Variants in LRP1B observed in about 807,000 individuals in gnomAD.
The protein encoded by LRP1B is low-density lipoprotein receptor-related protein 1B.
Under a neutral mutation model 556.6 loss-of-function variants are expected in LRP1B, and 217 were observed. The observed-to-expected ratio is 0.39, with a 90% CI of 0.35 to 0.44. The LOEUF (loss-of-function observed/expected upper bound fraction) is 0.44. LRP1B is among the 20% of genes least tolerant of loss of function. LRP1B has a pLI of 1.00. For missense variants in LRP1B, 5,053 were observed against 5,620.8 expected (o/e 0.90, Z 3.23); for synonymous variants, 2,047 against 1,865.8 (o/e 1.10, Z -2.50).
intron 41 of LRP1B, among the ~76,000 whole-genome samples, chr2:140,641,295 A>G (rs1017093424): frequency 1.1e-4 from 17 of 152,238 alleles, no homozygotes; most frequent in African/African-American, 4.1e-4. Context: ...TTTAATAATC[A>G]ATAGCAATGA....
chr2:140,586,026 A>T (rs563232316), intron 43 of LRP1B, among the ~76,000 whole-genome samples: 1 of 152,196 alleles, frequency 6.6e-6, no homozygotes, highest in Non-Finnish European at 1.5e-5. Context: ...CTTTAAAAAA[A>T]CTCAAATAGA....
chr2:140,381,335 A>G (rs376540655), intron 67 of LRP1B, among the ~76,000 whole-genome samples: 3 of 152,164 alleles, frequency 2.0e-5, no homozygotes, highest in African/African-American at 7.2e-5. Flanking sequence ...ACCCATCTGA[A>G]AAAAAAGTTG....
chr2:141,456,377 C>G (rs1320363150), intron 3 of LRP1B, among the ~76,000 whole-genome samples: 13 of 152,168 alleles, frequency 8.5e-5, no homozygotes, highest in Non-Finnish European at 1.9e-4. Flanking sequence ...TGAATCCTGA[C>G]TAAAACACCT....
At position 141,822,092 on chromosome 2, in the gene LRP1B, T is replaced by TACACACAC. The variant is rs149899299; in HGVS notation, c.83-11699_83-11692dup. On this transcript the variant is annotated intron_variant, in intron 1 of 90. Coordinates refer to ENST00000389484, the MANE Select transcript of LRP1B (RefSeq NM_018557.3). ...AACTGCTTCTTCACCAAAAAATACATACACACACACACACACACACACACA... is the reference window on the plus strand; with the variant it reads ...AACTGCTTCTTCACCAAAAAATACATACACACACACACACACACACACACACACACACA... Among the ~76,000 whole-genome samples the TACACACAC allele has an allele frequency of 1.1e-3, 119 of 112,428 alleles. 1 individual carries two copies. The highest frequency in any genetic ancestry group is 1.2e-3 in the Non-Finnish European group (71 of 57,870). The allele number at this position is 112,428 out of a possible 152,430, so 73.8% of individuals were successfully genotyped here. A position where few individuals can be genotyped will look rare whatever the true frequency, so the allele number is the denominator to read the frequency against.
intron 3 of LRP1B, among the ~76,000 whole-genome samples, chr2:141,262,747 C>T (rs1177354705): frequency 6.6e-6 from 1 of 151,802 alleles, no homozygotes; most frequent in Admixed American, 6.6e-5. Context: ...ATTTTTGTAC[C>T]CTTATGTTTC....
intron 18 of LRP1B, among the ~76,000 whole-genome samples, chr2:140,965,104 C>A (rs1010889706): frequency 6.6e-6 from 1 of 152,138 alleles, no homozygotes; most frequent in Non-Finnish European, 1.5e-5. Context: ...ATTACCCATG[C>A]CTGAGCCTCC....
At chr2:140,624,868 G>T (rs543900912) in intron 41 of LRP1B, among the ~76,000 whole-genome samples, 106 of 152,288 alleles carry the variant, frequency 7.0e-4, no homozygotes, top group African/African-American at 2.4e-3. Context: ...CTTAGGAGGT[G>T]ATCTGAAAGA....
intron 2 of LRP1B, among the ~76,000 whole-genome samples, chr2:141,542,592 A>C (rs190946177): frequency 9.5e-4 from 145 of 152,190 alleles, no homozygotes; most frequent in Non-Finnish European, 9.7e-4. Context: ...ACTTTTTCCT[A>C]AATAAAAAGA....
intron 1 of LRP1B, among the ~76,000 whole-genome samples, chr2:141,937,991 A>C (rs1033811172): frequency 2.0e-5 from 3 of 152,086 alleles, no homozygotes; most frequent in Non-Finnish European, 4.4e-5. Flanking sequence ...CTCAAAGTTT[A>C]GTAGATGGTG....
chr2:140,748,436 TA>T (rs1573660018), intron 35 of LRP1B, among the ~76,000 whole-genome samples: 1 of 94,772 alleles, frequency 1.1e-5, no homozygotes, highest in Non-Finnish European at 2.1e-5. Context: ...TATATTTATA[TA>T]TATATTATAT....
At chr2:141,183,000 G>T (rs557054878) in intron 7 of LRP1B, among the ~76,000 whole-genome samples, 3 of 151,864 alleles carry the variant, frequency 2.0e-5, no homozygotes, top group Non-Finnish European at 2.9e-5. Flanking sequence ...AGTACAAAGG[G>T]TCGTATGTTT....
At chr2:140,358,256 T>A in intron 73 of LRP1B, 140 bp from the exon 74 acceptor site, 1 of 687,846 alleles carries the variant, frequency 1.5e-6, no homozygotes, top group Non-Finnish European at 2.3e-6. Flanking sequence ...CAAGGCCAAA[T>A]TTTTAAACAT....
At chr2:140,571,123 T>C (rs1681306578) in intron 43 of LRP1B, among the ~76,000 whole-genome samples, 1 of 151,814 alleles carries the variant, frequency 6.6e-6, no homozygotes, top group Admixed American at 6.6e-5. Flanking sequence ...CCCACTCTCA[T>C]CACTATCACT....
rs147416231 is a variant in LRP1B, at chr2:141,961,924, C to T, written c.83-151523G>A. 5.9e-3 allele frequency among the ~76,000 whole-genome samples: 890 copies of T among 151,548 alleles called. 10 individuals carry two copies. Among genetic ancestry groups the T allele is most frequent in the African/African-American group, 0.021 (849 of 41,398 alleles). On this transcript the variant is annotated intron_variant, in intron 1 of 90. Coordinates refer to ENST00000389484, the MANE Select transcript of LRP1B (RefSeq NM_018557.3). Reference sequence around the variant, plus strand: ...AGACTGAGCTTTACTATTGTGTTTACGAATGGAAAAAGTGTTTTTAATATG... The same window carrying T: ...AGACTGAGCTTTACTATTGTGTTTATGAATGGAAAAAGTGTTTTTAATATG...
At chr2:140,975,684 T>A (rs909089969) in intron 18 of LRP1B, among the ~76,000 whole-genome samples, 7 of 152,190 alleles carry the variant, frequency 4.6e-5, no homozygotes, top group Admixed American at 3.9e-4. Flanking sequence ...AAAGCAGTGC[T>A]GGACAATAAT....
chr2:140,637,348 G>C (rs970358013), intron 41 of LRP1B, among the ~76,000 whole-genome samples: 1 of 152,132 alleles, frequency 6.6e-6, no homozygotes, highest in African/African-American at 2.4e-5. Context: ...AACATAACTG[G>C]TAATTTCAAT....
At chr2:141,563,156 C>T (rs1315373382) in intron 2 of LRP1B, among the ~76,000 whole-genome samples, 3 of 151,930 alleles carry the variant, frequency 2.0e-5, no homozygotes, top group African/African-American at 7.2e-5. Flanking sequence ...ACAGGATAGG[C>T]ATGGCAGACA....
intron 6 of LRP1B, among the ~76,000 whole-genome samples, chr2:141,222,901 C>A (rs911186652): frequency 6.6e-6 from 1 of 152,008 alleles, no homozygotes; most frequent in Non-Finnish European, 1.5e-5. Flanking sequence ...AAATAATGAG[C>A]CATATGTGAC....
intron 41 of LRP1B, among the ~76,000 whole-genome samples, chr2:140,622,638 C>A (rs926602103): frequency 9.2e-5 from 14 of 152,008 alleles, no homozygotes; most frequent in African/African-American, 3.4e-4. Flanking sequence ...TAATTTTTTA[C>A]CCTTCCACTA....
Sources: allele counts gnomAD v4.1 joint callset (sites outside exome capture counted in the v4.1 genomes callset), GRCh38; gene constraint gnomAD v4.1.1; transcripts MANE v1.5; gene names NCBI Gene and HGNC (gene_info 2026-07-23, HGNC 2026-07-21).